SUMF1: variants seen among roughly 807,000 people sequenced by gnomAD.
SUMF1 encodes the protein formylglycine-generating enzyme.
SUMF1 carries 48 observed loss-of-function variants against 47.6 expected under a neutral mutation model. That is an observed-to-expected ratio of 1.01 (90% CI 0.80 to 1.28). The LOEUF (loss-of-function observed/expected upper bound fraction) is 1.28, where lower values mean the gene tolerates loss of function less well. Ranked by LOEUF, SUMF1 falls within the 50% of genes most tolerant of loss-of-function variation. SUMF1 has a pLI of 0.00. For synonymous variants in SUMF1, 230 were observed against 192.1 expected (o/e 1.20, Z -1.63); for missense variants, 571 against 485.4 (o/e 1.18, Z -1.66).
chr3:4,134,587 A>C (rs1445891171), intron 8 of SUMF1, among the ~76,000 whole-genome samples: 1 of 152,154 alleles, frequency 6.6e-6, no homozygotes, highest in Non-Finnish European at 1.5e-5. Flanking sequence ...ACACATTCAA[A>C]AGCAGAAGGC....
At chr3:4,461,953 C>G (rs1348669525) in intron 1 of SUMF1, among the ~76,000 whole-genome samples, 2 of 152,140 alleles carry the variant, frequency 1.3e-5, no homozygotes, top group African/African-American at 2.4e-5. Context: ...CCTGCCACAC[C>G]ACAGCTTCTG....
chr3:4,387,080 G>A (rs1700699746), intron 7 of SUMF1, among the ~76,000 whole-genome samples: 1 of 151,798 alleles, frequency 6.6e-6, no homozygotes, highest in African/African-American at 2.4e-5. Flanking sequence ...ACTGCTTTTG[G>A]TTTGGGGATC....
intron 8 of SUMF1, among the ~76,000 whole-genome samples, chr3:4,305,964 A>G (rs189429849): frequency 1.1e-3 from 161 of 152,346 alleles, no homozygotes; most frequent in Non-Finnish European, 2.9e-5. Context: ...GTTCCTGGTC[A>G]AAAACACTGA....
chr3:4,170,626 A>G (rs1694812294), intron 8 of SUMF1, among the ~76,000 whole-genome samples: 1 of 152,226 alleles, frequency 6.6e-6, no homozygotes, highest in African/African-American at 2.4e-5. Flanking sequence ...ATTGTCACCA[A>G]TAACAGACAA....
At chr3:4,349,069 A>G (rs1417739851) in intron 8 of SUMF1, among the ~76,000 whole-genome samples, 2 of 152,374 alleles carry the variant, frequency 1.3e-5, no homozygotes, top group African/African-American at 4.8e-5. Context: ...CAAGCAATCT[A>G]CAGAACAGGA....
At chr3:4,212,481 T>C (rs917671100) in intron 8 of SUMF1, among the ~76,000 whole-genome samples, 10 of 151,862 alleles carry the variant, frequency 6.6e-5, no homozygotes, top group Non-Finnish European at 1.3e-4. Flanking sequence ...AGTCTGAAAA[T>C]TCCAAAAACC....
At chr3:4,071,236 A>C (rs1695515408) in intron 8 of SUMF1, among the ~76,000 whole-genome samples, 1 of 152,126 alleles carries the variant, frequency 6.6e-6, no homozygotes, top group South Asian at 2.1e-4. Flanking sequence ...AGATCGACAC[A>C]GAAGACAGGT....
intron 8 of SUMF1, among the ~76,000 whole-genome samples, chr3:4,083,804 A>T (rs1692616151): frequency 1.3e-5 from 2 of 151,846 alleles, no homozygotes; most frequent in Non-Finnish European, 2.9e-5. Context: ...AAATACAAAT[A>T]CAAATATGAC....
intron 9 of SUMF1, among the ~76,000 whole-genome samples, chr3:4,057,925 C>T (rs541195896): frequency 1.3e-5 from 2 of 152,044 alleles, no homozygotes; most frequent in Admixed American, 1.3e-4. Context: ...CTAATATATG[C>T]CTTGTGAAAC....
intron 7 of SUMF1, among the ~76,000 whole-genome samples, chr3:4,394,130 T>G (rs1477879140): frequency 6.6e-6 from 1 of 152,170 alleles, no homozygotes; most frequent in Non-Finnish European, 1.5e-5. Flanking sequence ...TTATTATTTT[T>G]TTAAAAGAGT....
intron 8 of SUMF1, among the ~76,000 whole-genome samples, chr3:4,169,047 T>G (rs141654179): frequency 6.6e-6 from 1 of 152,178 alleles, no homozygotes; most frequent in Admixed American, 6.5e-5. Context: ...AAAAAGTAGA[T>G]AGAAAACTGT....
At chr3:4,161,190 C>T (rs533398639) in intron 8 of SUMF1, among the ~76,000 whole-genome samples, 1 of 152,064 alleles carries the variant, frequency 6.6e-6, no homozygotes, top group Non-Finnish European at 1.5e-5. Context: ...GAGTCTCTCT[C>T]TTTGTGCTGT....
chr3:4,147,506 T>A (rs1694222911), intron 8 of SUMF1, among the ~76,000 whole-genome samples: 1 of 152,188 alleles, frequency 6.6e-6, no homozygotes, highest in Non-Finnish European at 1.5e-5. Flanking sequence ...GGCAAAGTTT[T>A]TAACTCTGCT....
rs140503512 is a variant in SUMF1, at chr3:4,167,083, T to C, written c.1015-98338A>G. ...ACCCCGGATAAGCCCCCAAGATGTG[T>C]CTGGAGTTGGTTCCTTCTGGTGGGT... On this transcript the variant is annotated intron_variant and NMD_transcript_variant, in intron 8 of 12. Transcript: ENST00000448413. 8.4e-4 allele frequency among the ~76,000 whole-genome samples: 128 copies of C among 152,128 alleles called. 1 individual carries two copies. The East Asian group carries it at 0.019, about 23-fold the overall frequency.
intron 7 of SUMF1, among the ~76,000 whole-genome samples, chr3:4,394,934 AC>A (rs1195464368): frequency 6.6e-6 from 1 of 152,130 alleles, no homozygotes; most frequent in Non-Finnish European, 1.5e-5. Context: ...AATCACCTCA[AC>A]CATCTTTCGA....
chr3:4,460,355 A>G (rs1031272441), intron 1 of SUMF1, among the ~76,000 whole-genome samples: 1 of 152,150 alleles, frequency 6.6e-6, no homozygotes, highest in Admixed American at 6.5e-5. Context: ...GTTTTAAAAA[A>G]TAAAGTGTCA....
At chr3:4,145,173 A>T (rs1290106574) in intron 8 of SUMF1, among the ~76,000 whole-genome samples, 3 of 145,756 alleles carry the variant, frequency 2.1e-5, no homozygotes, top group Non-Finnish European at 4.5e-5. Context: ...AGCCTGGGCA[A>T]CAGAGTGAAA....
At chr3:4,116,003 T>C (rs1041013699) in intron 8 of SUMF1, among the ~76,000 whole-genome samples, 2 of 152,104 alleles carry the variant, frequency 1.3e-5, no homozygotes, top group Admixed American at 6.5e-5. Flanking sequence ...AAGTTATTGA[T>C]ATTTTTCATG....
At chr3:4,108,876 C>G (rs1693221678) in intron 8 of SUMF1, among the ~76,000 whole-genome samples, 1 of 152,044 alleles carries the variant, frequency 6.6e-6, no homozygotes, top group South Asian at 2.1e-4. Context: ...GACTCTTTAT[C>G]CAATTTGCCA....
Sources: allele counts gnomAD v4.1 joint callset (sites outside exome capture counted in the v4.1 genomes callset), GRCh38; gene constraint gnomAD v4.1.1; transcripts MANE v1.5; gene names NCBI Gene and HGNC (gene_info 2026-07-23, HGNC 2026-07-21).